The following RGS17 variants were observed in gnomAD, a reference collection of about 807,000 sequenced individuals.
The protein encoded by RGS17 is regulator of G protein signaling 17.
In RGS17, 12 loss-of-function variants were observed where a neutral mutation model predicts 25.5. The ratio of observed to expected loss-of-function variants is 0.47; its 90% CI spans 0.30 to 0.76. RGS17 has a LOEUF of 0.76. Among genes scored for constraint, RGS17 ranks in the 30% least tolerant of loss-of-function variants. The probability of loss-of-function intolerance (pLI) is 0.07; values close to 1 mark genes in which losing one functional copy is unlikely to be tolerated. For missense variants in RGS17, 196 were observed against 242.2 expected (o/e 0.81, Z 1.27); for synonymous variants, 71 against 76.9 (o/e 0.92, Z 0.40).
At chr6:153,100,913 T>G (rs1290357165) in intron 1 of RGS17, among the ~76,000 whole-genome samples, 1 of 152,206 alleles carries the variant, frequency 6.6e-6, no homozygotes, top group African/African-American at 2.4e-5. Context: ...TGGCTGTTTC[T>G]GCCCTCAGTT....
At chr6:153,120,626 T>A (rs1162001202) in intron 1 of RGS17, among the ~76,000 whole-genome samples, 1 of 152,140 alleles carries the variant, frequency 6.6e-6, no homozygotes, top group Non-Finnish European at 1.5e-5. Flanking sequence ...CGCCCGGTAA[T>A]CCTCCGCTTA....
At chr6:153,041,042 G>A (rs972498558) in intron 2 of RGS17, among the ~76,000 whole-genome samples, 1 of 150,512 alleles carries the variant, frequency 6.6e-6, no homozygotes, top group African/African-American at 2.4e-5. Context: ...GCATGCACCT[G>A]TAGTCCCAGC....
At chr6:153,117,382 G>A (rs1319200018) in intron 1 of RGS17, among the ~76,000 whole-genome samples, 1 of 152,112 alleles carries the variant, frequency 6.6e-6, no homozygotes, top group Non-Finnish European at 1.5e-5. Flanking sequence ...CCCTAAACAC[G>A]TGGGGATTAT....
intron 4 of RGS17, among the ~76,000 whole-genome samples, chr6:153,014,193 G>C (rs1290001685): frequency 2.0e-5 from 3 of 152,118 alleles, no homozygotes; most frequent in Non-Finnish European, 4.4e-5. Context: ...GTAAATCCTA[G>C]AGCCCTTAAG....
chr6:153,033,975 C>T lies in RGS17; in HGVS notation c.120-7432G>A, dbSNP rs534475717. Reference sequence around the variant, plus strand: ...GTGTGACTGTTATTAAAATGGCATGCGATCATTTGTGTCAAGTGCATTAAT... The same window carrying T: ...GTGTGACTGTTATTAAAATGGCATGTGATCATTTGTGTCAAGTGCATTAAT... On this transcript the variant is annotated intron_variant, in intron 2 of 4. Transcript: ENST00000206262. Among the ~76,000 whole-genome samples, 318 of 152,172 alleles carry T rather than the reference C, an allele frequency of 2.1e-3. 1 individual carries two copies. The highest frequency in any genetic ancestry group is 7.4e-3 in the African/African-American group (306 of 41,526).
At chr6:153,104,906 T>C (rs937252712) in intron 1 of RGS17, among the ~76,000 whole-genome samples, 1 of 151,726 alleles carries the variant, frequency 6.6e-6, no homozygotes, top group African/African-American at 2.4e-5. Flanking sequence ...GAAAGTGAGC[T>C]ACATGGATAT....
intron 1 of RGS17, among the ~76,000 whole-genome samples, chr6:153,088,036 T>G (rs186110044): frequency 7.9e-5 from 12 of 152,014 alleles, no homozygotes; most frequent in Non-Finnish European, 1.6e-4. Context: ...CTCCCTTCCA[T>G]TCCTCACTTT....
intron 1 of RGS17, among the ~76,000 whole-genome samples, chr6:153,077,341 A>C (rs1212390347): frequency 7.5e-6 from 1 of 133,968 alleles, no homozygotes; most frequent in Non-Finnish European, 1.7e-5. Flanking sequence ...TAGATCCTGC[A>C]TGGGAAAAAA....
chr6:153,116,057 G>C (rs1359423097), intron 1 of RGS17, among the ~76,000 whole-genome samples: 1 of 152,142 alleles, frequency 6.6e-6, no homozygotes, highest in Non-Finnish European at 1.5e-5. Context: ...GGCAATGAAA[G>C]CCAAAATTGA....
chr6:153,038,971 C>A (rs1370799407), intron 2 of RGS17, among the ~76,000 whole-genome samples: 4 of 152,156 alleles, frequency 2.6e-5, no homozygotes, highest in Non-Finnish European at 5.9e-5. Context: ...AAAAAAGAGA[C>A]AATTTTAGCT....
chr6:153,065,018 G>C (rs1023867676), intron 1 of RGS17, among the ~76,000 whole-genome samples: 3 of 152,076 alleles, frequency 2.0e-5, no homozygotes, highest in African/African-American at 7.2e-5. Context: ...TGCCTGAATG[G>C]ATAAAAACAT....
chr6:153,110,419 C>A (rs972719029), intron 1 of RGS17, among the ~76,000 whole-genome samples: 5 of 134,882 alleles, frequency 3.7e-5, no homozygotes. Context: ...CTCTTTACTG[C>A]CAACATACAC....
intron 1 of RGS17, among the ~76,000 whole-genome samples, chr6:153,068,352 C>A (rs935498346): frequency 1.3e-5 from 2 of 152,120 alleles, no homozygotes; most frequent in Non-Finnish European, 2.9e-5. Context: ...GAGGCTGGGG[C>A]AGGAGAATCA....
intron 4 of RGS17, among the ~76,000 whole-genome samples, chr6:153,020,202 G>A (rs1216894529): frequency 3.1e-5 from 4 of 128,560 alleles, no homozygotes; most frequent in African/African-American, 1.2e-4. Flanking sequence ...TGCCCAGGCT[G>A]GAGTGCAGTG....
At chr6:153,026,673 A>G (rs1779306129) in intron 2 of RGS17, 130 bp from the exon 3 acceptor site, 2 of 599,494 alleles carry the variant, frequency 3.3e-6, no homozygotes, top group Non-Finnish European at 2.9e-6. Context: ...TAAAGTATAA[A>G]AGAGCAATAC....
chr6:153,040,354 CAG>C (rs1190524163), intron 2 of RGS17, among the ~76,000 whole-genome samples: 1 of 151,970 alleles, frequency 6.6e-6, no homozygotes, highest in African/African-American at 2.4e-5. Flanking sequence ...GTTATAAAGA[CAG>C]GAATCTATTT....
chr6:153,020,185 G>A (rs111461343), intron 4 of RGS17, among the ~76,000 whole-genome samples: 2,529 of 104,814 alleles, frequency 0.024, 101 homozygotes, highest in African/African-American at 0.087. Context: ...ACAGAGTCTC[G>A]CACTTTTGCC....
In RGS17 at chr6:153,011,667, A is replaced by G; in HGVS notation, c.540T>C (p.Thr180=). The G allele has an allele frequency of 6.2e-7, 1 of 1,612,644 alleles. No individual in the cohort carries two copies. The highest frequency in any genetic ancestry group is 1.1e-5 in the South Asian group (1 of 91,014). The change falls in exon 5 of 5, where the codon ACT becomes ACC. Residue 180 remains threonine, a synonymous_variant. Coordinates refer to ENST00000206262, the MANE Select transcript of RGS17 (RefSeq NM_012419.5). ...TTGGAAAAGAATCTCTGTGCATTAA[A>G]GTATATATCTGAAGTTGGGCATCTT... is the stretch of plus-strand genomic sequence containing the variant. ...MYEDAQLQIY[T]LMHRDSFPRF...
intron 1 of RGS17, among the ~76,000 whole-genome samples, chr6:153,106,398 T>G (rs1055053601): frequency 6.6e-6 from 1 of 151,478 alleles, no homozygotes; most frequent in African/African-American, 2.4e-5. Context: ...CACACAGAAG[T>G]GGCAAAAGAG....
Sources: allele counts gnomAD v4.1 joint callset (sites outside exome capture counted in the v4.1 genomes callset), GRCh38; gene constraint gnomAD v4.1.1; transcripts MANE v1.5; gene names NCBI Gene and HGNC (gene_info 2026-07-23, HGNC 2026-07-21).